The following PTPRD variants were observed in gnomAD, a reference collection of about 807,000 sequenced individuals.
PTPRD encodes protein tyrosine phosphatase receptor type D.
PTPRD carries 34 observed loss-of-function variants against 214.5 expected under a neutral mutation model. The ratio of observed to expected loss-of-function variants is 0.16; its 90% CI spans 0.12 to 0.21. PTPRD has a LOEUF of 0.21. Among genes scored for constraint, PTPRD ranks in the 10% least tolerant of loss-of-function variants. PTPRD has a pLI of 1.00. For missense variants in PTPRD, 2,545 were observed against 2,398.7 expected (o/e 1.06, Z -1.27); for synonymous variants, 1,128 against 845.7 (o/e 1.33, Z -5.79).
chr9:9,129,070 A>T (rs1467028036), intron 10 of PTPRD, among the ~76,000 whole-genome samples: 2 of 152,328 alleles, frequency 1.3e-5, no homozygotes, highest in Admixed American at 6.5e-5. Context: ...TGCTCTTACA[A>T]GCAGTCCTAA....
At chr9:9,234,017 G>A (rs150344031) in intron 9 of PTPRD, among the ~76,000 whole-genome samples, 53 of 152,238 alleles carry the variant, frequency 3.5e-4, no homozygotes, top group Non-Finnish European at 5.1e-4. Flanking sequence ...GTGCCCCGGT[G>A]GGGACTCTGT....
chr9:9,270,894 T>A (rs539181749), intron 9 of PTPRD, among the ~76,000 whole-genome samples: 116 of 151,128 alleles, frequency 7.7e-4, no homozygotes, highest in Non-Finnish European at 1.5e-3. Flanking sequence ...GGTGTAGGGA[T>A]AGGAGGAATC....
intron 2 of PTPRD, among the ~76,000 whole-genome samples, chr9:10,586,083 G>A (rs1202716114): frequency 6.6e-6 from 1 of 151,948 alleles, no homozygotes; most frequent in African/African-American, 2.4e-5. Context: ...TCAAAACACA[G>A]TGCAGTAAAG....
intron 37 of PTPRD, among the ~76,000 whole-genome samples, chr9:8,384,215 C>T (rs930868249): frequency 3.3e-5 from 5 of 152,166 alleles, no homozygotes; most frequent in Admixed American, 2.0e-4. Context: ...ACTTTCCCTA[C>T]AAAATGCTTC....
intron 10 of PTPRD, among the ~76,000 whole-genome samples, chr9:9,089,262 T>C (rs960558778): frequency 6.6e-6 from 1 of 152,200 alleles, no homozygotes; most frequent in Non-Finnish European, 1.5e-5. Flanking sequence ...TTATGAGCCA[T>C]AGTCACAAAT....
At chr9:9,381,030 T>C (rs1340261261) in intron 9 of PTPRD, among the ~76,000 whole-genome samples, 2 of 152,140 alleles carry the variant, frequency 1.3e-5, no homozygotes, top group Admixed American at 6.6e-5. Flanking sequence ...AGTGTTAGTA[T>C]GGCATATTTT....
intron 30 of PTPRD, among the ~76,000 whole-genome samples, chr9:8,471,627 CTTCT>C (rs981353585): frequency 6.6e-6 from 1 of 152,012 alleles, no homozygotes; most frequent in Non-Finnish European, 1.5e-5. Flanking sequence ...TAAAAATTCC[CTTCT>C]TTTTCTACCC....
chr9:8,646,402 C>T lies in PTPRD; in HGVS notation c.65-9558G>A, dbSNP rs554443721. Reference sequence around the variant, plus strand: ...TTAATAGCTTACTCCTGCAAACTAACACCAGAAATACTGTTTGGCCTTTAA... The same window carrying T: ...TTAATAGCTTACTCCTGCAAACTAATACCAGAAATACTGTTTGGCCTTTAA... On this transcript the variant is annotated intron_variant, in intron 12 of 45. Coordinates refer to ENST00000381196, the MANE Select transcript of PTPRD (RefSeq NM_002839.4). 3.9e-5 allele frequency among the ~76,000 whole-genome samples: 6 copies of T among 152,300 alleles called. No homozygotes were observed. The East Asian group carries it at 9.6e-4, about 24-fold the overall frequency.
intron 10 of PTPRD, among the ~76,000 whole-genome samples, chr9:9,031,279 A>ATAG (rs143308528): frequency 0.32 from 48,527 of 151,658 alleles, 8,081 homozygotes; most frequent in Middle Eastern, 0.4. Flanking sequence ...TTTAATGAAT[A>ATAG]TAGTCATGTG....
At chr9:8,663,819 A>G (rs977680421) in intron 12 of PTPRD, among the ~76,000 whole-genome samples, 4 of 152,020 alleles carry the variant, frequency 2.6e-5, no homozygotes, top group African/African-American at 4.8e-5. Flanking sequence ...ACATGATGGT[A>G]CTATATTTGC....
At chr9:8,782,545 C>G (rs2095761045) in intron 11 of PTPRD, among the ~76,000 whole-genome samples, 1 of 151,796 alleles carries the variant, frequency 6.6e-6, no homozygotes, top group African/African-American at 2.4e-5. Flanking sequence ...GGAAGGGAAC[C>G]CTCAACCTAT....
chr9:9,955,489 T>C (rs2093824813), intron 4 of PTPRD, among the ~76,000 whole-genome samples: 1 of 151,796 alleles, frequency 6.6e-6, no homozygotes, highest in Admixed American at 6.6e-5. Context: ...GAACTCTGGA[T>C]ATTTGGGTTT....
chr9:10,237,715 T>C (rs1208525908), intron 3 of PTPRD, among the ~76,000 whole-genome samples: 1 of 151,886 alleles, frequency 6.6e-6, no homozygotes, highest in African/African-American at 2.4e-5. Flanking sequence ...ACATGGAACA[T>C]GTTAAATGAA....
intron 3 of PTPRD, among the ~76,000 whole-genome samples, chr9:10,324,844 T>G (rs1479977819): frequency 2.0e-5 from 3 of 152,058 alleles, no homozygotes; most frequent in Non-Finnish European, 4.4e-5. Flanking sequence ...TCTCTACATG[T>G]TCTCAAAGTT....
intron 11 of PTPRD, among the ~76,000 whole-genome samples, chr9:8,788,942 G>C (rs74834410): frequency 0.013 from 1,915 of 152,216 alleles, 45 homozygotes; most frequent in African/African-American, 0.043. Context: ...CCTTATCAAT[G>C]TCACATTACT....
intron 3 of PTPRD, among the ~76,000 whole-genome samples, chr9:10,083,139 A>G (rs919795699): frequency 3.9e-5 from 6 of 151,908 alleles, no homozygotes; most frequent in Admixed American, 2.6e-4. Flanking sequence ...AATATACCCT[A>G]TCCTTAAAGA....
chr9:9,545,609 C>A (rs1306852918), intron 8 of PTPRD, among the ~76,000 whole-genome samples: 1 of 151,756 alleles, frequency 6.6e-6, no homozygotes, highest in Non-Finnish European at 1.5e-5. Flanking sequence ...AAATTTTTAA[C>A]TCTTTTAGGT....
At chr9:9,393,999 C>T (rs918217936) in intron 9 of PTPRD, among the ~76,000 whole-genome samples, 8 of 152,168 alleles carry the variant, frequency 5.3e-5, no homozygotes, top group African/African-American at 7.2e-5. Context: ...TCTACTGCCA[C>T]GGAGAAAATC....
chr9:10,277,485 C>G (rs2154387230), intron 3 of PTPRD, among the ~76,000 whole-genome samples: 1 of 152,268 alleles, frequency 6.6e-6, no homozygotes, highest in Non-Finnish European at 1.5e-5. Flanking sequence ...TACAAGTTTC[C>G]TCATTTGTAG....
Sources: allele counts gnomAD v4.1 joint callset (sites outside exome capture counted in the v4.1 genomes callset), GRCh38; gene constraint gnomAD v4.1.1; transcripts MANE v1.5; gene names NCBI Gene and HGNC (gene_info 2026-07-23, HGNC 2026-07-21).